The following HS3ST5 variants were observed in gnomAD, a reference collection of about 807,000 sequenced individuals.
HS3ST5 encodes heparan sulfate glucosamine 3-O-sulfotransferase 5.
In HS3ST5, 10 loss-of-function variants were observed where a neutral mutation model predicts 25.4. The ratio of observed to expected loss-of-function variants is 0.39; its 90% CI spans 0.24 to 0.67. The LOEUF (loss-of-function observed/expected upper bound fraction) is 0.67. Among genes scored for constraint, HS3ST5 ranks in the 30% least tolerant of loss-of-function variants. The pLI, the probability that HS3ST5 is intolerant of heterozygous loss-of-function variation, is 0.44. For synonymous variants in HS3ST5, 170 were observed against 162.4 expected (o/e 1.05, Z -0.36); for missense variants, 324 against 420.7 (o/e 0.77, Z 2.01).
intron 3 of HS3ST5, among the ~76,000 whole-genome samples, chr6:114,152,349 C>G (rs1190397729): frequency 6.6e-6 from 1 of 152,126 alleles, no homozygotes; most frequent in Non-Finnish European, 1.5e-5. Flanking sequence ...GTGTACACAT[C>G]TATGCTGCAC....
At chr6:114,291,333 G>A (rs1456676161) in intron 1 of HS3ST5, among the ~76,000 whole-genome samples, 1 of 151,950 alleles carries the variant, frequency 6.6e-6, no homozygotes. Flanking sequence ...TAACAGTAAT[G>A]TAGCACACCT....
At chr6:114,170,779 T>C (rs989354211) in intron 2 of HS3ST5, among the ~76,000 whole-genome samples, 18 of 152,190 alleles carry the variant, frequency 1.2e-4, no homozygotes, top group Non-Finnish European at 1.3e-4. Context: ...ATTCCACTTT[T>C]AATGATTAGC....
intron 2 of HS3ST5, among the ~76,000 whole-genome samples, chr6:114,212,041 G>A (rs913034646): frequency 4.6e-5 from 7 of 152,220 alleles, no homozygotes; most frequent in African/African-American, 1.7e-4. Flanking sequence ...GCATGGCTGT[G>A]GGTGTGGTCT....
At chr6:114,106,868 A>C (rs1776019126) in intron 3 of HS3ST5, among the ~76,000 whole-genome samples, 1 of 152,130 alleles carries the variant, frequency 6.6e-6, no homozygotes, top group Non-Finnish European at 1.5e-5. Flanking sequence ...GTAAGATATA[A>C]GTTCTATAAG....
chr6:114,195,423 G>A (rs1780689588), intron 2 of HS3ST5, among the ~76,000 whole-genome samples: 2 of 152,226 alleles, frequency 1.3e-5, no homozygotes, highest in African/African-American at 2.4e-5. Context: ...TTCAGCTGTT[G>A]TAAGCCAATA....
chr6:114,340,784 CT>C (rs1776797171), intron 1 of HS3ST5: 1 of 152,100 alleles, frequency 6.6e-6, no homozygotes, highest in South Asian at 2.1e-4. Flanking sequence ...TTATCTTCAA[CT>C]TTTTCTTGAA....
chr6:114,206,131 C>T (rs72954503), intron 2 of HS3ST5, among the ~76,000 whole-genome samples: 13,590 of 152,150 alleles, frequency 0.089, 778 homozygotes, highest in Non-Finnish European at 0.13. Context: ...TCAGGAAATT[C>T]GAACAGTTTT....
At chr6:114,063,511 T>G (rs1773258383) in intron 3 of HS3ST5, among the ~76,000 whole-genome samples, 1 of 120,820 alleles carries the variant, frequency 8.3e-6, no homozygotes, top group African/African-American at 3.4e-5. Context: ...AAGACCTGTC[T>G]CAGAAAAAAA....
At chr6:114,213,368 A>C (rs528472865) in intron 2 of HS3ST5, among the ~76,000 whole-genome samples, 2 of 151,462 alleles carry the variant, frequency 1.3e-5, no homozygotes, top group East Asian at 2.0e-4. Flanking sequence ...CAGGGCAGGC[A>C]AAGCTAGTTT....
chr6:114,082,804 A>G (rs1774535184), intron 3 of HS3ST5, among the ~76,000 whole-genome samples: 1 of 152,164 alleles, frequency 6.6e-6, no homozygotes, highest in African/African-American at 2.4e-5. Flanking sequence ...CTCTGTCATA[A>G]CCATTTTTCC....
intron 2 of HS3ST5, among the ~76,000 whole-genome samples, chr6:114,195,743 G>A (rs138039505): frequency 1.4e-4 from 22 of 151,970 alleles, no homozygotes; most frequent in African/African-American, 4.1e-4. Context: ...TTGGAGAGAG[G>A]AGAAAGAGGG....
chr6:114,169,188 AATAT>A (rs1364548605), intron 2 of HS3ST5, among the ~76,000 whole-genome samples: 1 of 152,148 alleles, frequency 6.6e-6, no homozygotes, highest in Non-Finnish European at 1.5e-5. Flanking sequence ...TCATTTCACT[AATAT>A]ATATTCAATT....
chr6:114,121,409 A>G (rs1490480283), intron 3 of HS3ST5, among the ~76,000 whole-genome samples: 1 of 152,194 alleles, frequency 6.6e-6, no homozygotes, highest in Non-Finnish European at 1.5e-5. Flanking sequence ...TCAAGGACAA[A>G]TTTACTGCCT....
At chr6:114,224,432 T>A (rs1582734015) in intron 2 of HS3ST5, among the ~76,000 whole-genome samples, 1 of 151,598 alleles carries the variant, frequency 6.6e-6, no homozygotes, top group South Asian at 2.1e-4. Flanking sequence ...ATTTCTATAA[T>A]CTCATAACCT....
chr6:114,268,173 A>G (rs1442033210), intron 1 of HS3ST5, among the ~76,000 whole-genome samples: 1 of 152,130 alleles, frequency 6.6e-6, no homozygotes, highest in African/African-American at 2.4e-5. Flanking sequence ...AAGTTCTTGG[A>G]TGGCTTTCAT....
In HS3ST5 at chr6:114,057,143, A is replaced by G. The variant is rs2114689074; in HGVS notation, c.*114T>C. ...TTGGTCACACACTGCGTATGTACAAATATACATGGAAAAATGACTTGGATA... is the reference window on the plus strand; with the variant it reads ...TTGGTCACACACTGCGTATGTACAAGTATACATGGAAAAATGACTTGGATA... On this transcript the variant is annotated 3_prime_UTR_variant, in exon 5 of 5. Transcript: ENST00000312719. The G allele has an allele frequency of 1.3e-6, 1 of 764,252 alleles. No individual in the cohort carries two copies. Among genetic ancestry groups the G allele is most frequent in the Non-Finnish European group, 2.2e-6 (1 of 461,660 alleles). The allele number at this position is 764,252 out of a possible 1,614,324, so 47.3% of individuals were successfully genotyped here. A position where few individuals can be genotyped will look rare whatever the true frequency, so the allele number is the denominator to read the frequency against.
intron 3 of HS3ST5, among the ~76,000 whole-genome samples, chr6:114,092,001 TCTCA>T (rs1775144563): frequency 6.6e-6 from 1 of 152,132 alleles, no homozygotes; most frequent in Non-Finnish European, 1.5e-5. Flanking sequence ...ACTCTCAAAC[TCTCA>T]CTCAGTTAAA....
chr6:114,121,106 T>C (rs935614740), intron 3 of HS3ST5, among the ~76,000 whole-genome samples: 6 of 152,258 alleles, frequency 3.9e-5, no homozygotes, highest in Non-Finnish European at 5.9e-5. Context: ...TTTCAAACTC[T>C]AATGTACCTC....
chr6:114,257,722 GTTC>G (rs572543975), intron 1 of HS3ST5, among the ~76,000 whole-genome samples: 206 of 152,050 alleles, frequency 1.4e-3, no homozygotes, highest in Non-Finnish European at 2.5e-3. Flanking sequence ...ACGTATATTA[GTTC>G]TTCTTCTTCT....
Sources: gnomAD v4.1 joint callset for allele counts (sites outside exome capture counted in the v4.1 genomes callset) on GRCh38, gnomAD v4.1.1 for gene constraint, MANE v1.5 for transcripts, NCBI Gene and HGNC (gene_info 2026-07-23, HGNC 2026-07-21) for gene names.